Variants in CDKAL1 observed in about 807,000 individuals in gnomAD.
CDKAL1 encodes the protein CDKAL1 threonylcarbamoyladenosine tRNA methylthiotransferase.
Under a neutral mutation model 68.2 loss-of-function variants are expected in CDKAL1, and 32 were observed. That is an observed-to-expected ratio of 0.47 (90% CI 0.35 to 0.63). The LOEUF (loss-of-function observed/expected upper bound fraction) is 0.63, where lower values mean the gene tolerates loss of function less well. CDKAL1 is among the 30% of genes least tolerant of loss of function. The pLI is 0.00. For synonymous variants in CDKAL1, 234 were observed against 244.3 expected (o/e 0.96, Z 0.39); for missense variants, 606 against 696.7 (o/e 0.87, Z 1.47).
intron 15 of CDKAL1, among the ~76,000 whole-genome samples, chr6:21,217,710 C>G (rs1474361508): frequency 6.6e-6 from 1 of 152,164 alleles, no homozygotes; most frequent in African/African-American, 2.4e-5. Flanking sequence ...GTTGGCCACA[C>G]TGGTCTCGAA....
At chr6:20,916,900 G>A (rs1297976866) in intron 9 of CDKAL1, among the ~76,000 whole-genome samples, 25 of 144,192 alleles carry the variant, frequency 1.7e-4, no homozygotes, top group Non-Finnish European at 8.8e-5. Flanking sequence ...ACAAGATCGG[G>A]CGCAGTGGCT....
chr6:21,140,742 C>T (rs894071785), intron 13 of CDKAL1, among the ~76,000 whole-genome samples: 1 of 152,204 alleles, frequency 6.6e-6, no homozygotes, highest in African/African-American at 2.4e-5. Context: ...TTAAAAAACA[C>T]TGGGTTCCTT....
chr6:20,796,072 T>C (rs1409485361), intron 8 of CDKAL1, among the ~76,000 whole-genome samples: 1 of 152,174 alleles, frequency 6.6e-6, no homozygotes, highest in Non-Finnish European at 1.5e-5. Context: ...GAAAGAAAAC[T>C]GTGCCTATTC....
intron 4 of CDKAL1, among the ~76,000 whole-genome samples, chr6:20,631,319 G>A (rs1767665203): frequency 6.6e-6 from 1 of 152,218 alleles, no homozygotes; most frequent in African/African-American, 2.4e-5. Flanking sequence ...ACAATAGCTT[G>A]TGGCACAGTT....
rs187366022 is a variant in CDKAL1 at position 20,860,563 on chromosome 6, G to C, written c.742+14385G>C. On this transcript the variant is annotated intron_variant, in intron 9 of 15. Coordinates refer to ENST00000274695, the MANE Select transcript of CDKAL1 (RefSeq NM_017774.3). The stretch of plus-strand genomic sequence containing the variant: ...TGCTGGGCTGGGCACGGTGGCTCAC[G>C]CCTGTAATCACAGCCCTTTGGGAGG... Among the ~76,000 whole-genome samples the C allele has an allele frequency of 2.4e-3, 372 of 152,248 alleles. 9 individuals carry two copies. The highest frequency in any genetic ancestry group is 0.021 in the Admixed American group (325 of 15,300).
At chr6:20,884,005 A>C (rs1760949504) in intron 9 of CDKAL1, among the ~76,000 whole-genome samples, 1 of 152,212 alleles carries the variant, frequency 6.6e-6, no homozygotes, top group Non-Finnish European at 1.5e-5. Flanking sequence ...TACCAAAGCT[A>C]GATAAAGATA....
In CDKAL1 at chr6:20,810,367, G is replaced by GTCTC. The variant is rs5874785; in HGVS notation, c.638+29122_638+29125dup. Among the ~76,000 whole-genome samples the GTCTC allele has an allele frequency of 5.9e-3, 801 of 136,392 alleles. 9 individuals are homozygous for GTCTC. Among genetic ancestry groups the GTCTC allele is most frequent in the African/African-American group, 0.018 (681 of 36,978 alleles). 89.5% of individuals were successfully genotyped at this position (136,392 alleles called of 152,430 possible). On this transcript the variant is annotated intron_variant, in intron 8 of 15. Transcript: ENST00000274695. ...GACCAGCCTGGGCAACATAGTGAGA[G>GTCTC]TCTCTCTCTCTCTCTCTCTCTCTGT...
chr6:20,735,148 G>T (rs1166641035), intron 5 of CDKAL1, among the ~76,000 whole-genome samples: 2 of 152,136 alleles, frequency 1.3e-5, no homozygotes, highest in African/African-American at 2.4e-5. Context: ...GGGATTTCAG[G>T]CGTGAGCCAC....
intron 4 of CDKAL1, among the ~76,000 whole-genome samples, chr6:20,624,421 T>G (rs544463463): frequency 1.3e-5 from 2 of 152,166 alleles, no homozygotes; most frequent in South Asian, 4.1e-4. Flanking sequence ...CTGAGGATGC[T>G]TCTTGTATCT....
At chr6:21,229,797 G>A (rs535927185) in intron 15 of CDKAL1, among the ~76,000 whole-genome samples, 7 of 152,302 alleles carry the variant, frequency 4.6e-5, no homozygotes, top group African/African-American at 9.6e-5. Flanking sequence ...GCAGGTACAC[G>A]AGGTGAAAAT....
intron 12 of CDKAL1, among the ~76,000 whole-genome samples, chr6:21,080,416 G>A (rs992875641): frequency 6.6e-6 from 1 of 152,190 alleles, no homozygotes; most frequent in African/African-American, 2.4e-5. Flanking sequence ...GTGGGCTGAT[G>A]CAGTACCTCT....
At chr6:21,003,349 T>TAC (rs1414939643) in intron 11 of CDKAL1, among the ~76,000 whole-genome samples, 50 of 46,430 alleles carry the variant, frequency 1.1e-3, no homozygotes, top group Non-Finnish European at 1.6e-3. Context: ...ACTAAATATA[T>TAC]ATATATATAT....
chr6:20,575,391 C>T (rs1480442020), intron 4 of CDKAL1, among the ~76,000 whole-genome samples: 1 of 147,486 alleles, frequency 6.8e-6, no homozygotes, highest in Non-Finnish European at 1.5e-5. Context: ...TGCTGTGGTT[C>T]CCAGTCTTGT....
chr6:21,132,439 G>A (rs1775375280), intron 13 of CDKAL1, among the ~76,000 whole-genome samples: 1 of 152,106 alleles, frequency 6.6e-6, no homozygotes, highest in African/African-American at 2.4e-5. Flanking sequence ...AATGAAGATA[G>A]AAGGAGATGC....
At chr6:20,540,581 G>A (rs772248212) in intron 2 of CDKAL1, among the ~76,000 whole-genome samples, 5 of 151,260 alleles carry the variant, frequency 3.3e-5, no homozygotes, top group Non-Finnish European at 7.4e-5. Context: ...TCAGTCTCCC[G>A]AGTAGGTGGG....
chr6:20,543,984 C>T lies in CDKAL1; in HGVS notation c.-5-2362C>T, dbSNP rs149769113. Among the ~76,000 whole-genome samples, 458 of 152,080 alleles carry T rather than the reference C, an allele frequency of 3.0e-3. 1 individual carries two copies. Among genetic ancestry groups the T allele is most frequent in the African/African-American group, 0.01 (435 of 41,488 alleles). ...AACTCCTGACCTCAAGTGATCCACA[C>T]GCCTCGGCCTGCCAGAGTGCTGGGA... On this transcript the variant is annotated intron_variant, in intron 2 of 15. Transcript: ENST00000274695.
At chr6:20,619,950 C>G (rs2069014) in intron 4 of CDKAL1, among the ~76,000 whole-genome samples, 5,733 of 152,268 alleles carry the variant, frequency 0.038, 129 homozygotes, top group Middle Eastern at 0.078. Flanking sequence ...TTGTGGAAAG[C>G]TAACTCACAC....
chr6:21,131,032 A>T (rs1334001703), intron 13 of CDKAL1, among the ~76,000 whole-genome samples: 1 of 152,218 alleles, frequency 6.6e-6, no homozygotes, highest in East Asian at 1.9e-4. Context: ...CTTCCAGGGC[A>T]GGGCTTATGA....
chr6:21,122,802 G>GT (rs1364680422), intron 13 of CDKAL1, among the ~76,000 whole-genome samples: 26 of 129,840 alleles, frequency 2.0e-4, no homozygotes, highest in African/African-American at 7.5e-4. Flanking sequence ...TCCCCAGTTA[G>GT]GTTTTTTTTT....
Sources: gnomAD v4.1 joint callset for allele counts (sites outside exome capture counted in the v4.1 genomes callset) on GRCh38, gnomAD v4.1.1 for gene constraint, MANE v1.5 for transcripts, NCBI Gene and HGNC (gene_info 2026-07-23, HGNC 2026-07-21) for gene names.